DNAH10: variants seen among roughly 807,000 people sequenced by gnomAD.
DNAH10 encodes the protein dynein axonemal heavy chain 10.
A neutral mutation model predicts 506.6 loss-of-function variants in DNAH10; 348 were observed. The ratio of observed to expected loss-of-function variants is 0.69; its 90% CI spans 0.63 to 0.75. DNAH10 has a LOEUF of 0.75. Among genes scored for constraint, DNAH10 ranks in the 30% least tolerant of loss-of-function variants. The pLI, the probability that DNAH10 is intolerant of heterozygous loss-of-function variation, is 0.00. For missense variants in DNAH10, 5,179 were observed against 5,787.1 expected (o/e 0.89, Z 3.41); for synonymous variants, 2,059 against 2,198.6 (o/e 0.94, Z 1.78).
intron 51 of DNAH10, among the ~76,000 whole-genome samples, chr12:123,884,763 G>A (rs532219500): frequency 6.6e-6 from 1 of 152,014 alleles, no homozygotes; most frequent in East Asian, 1.9e-4. Context: ...CTATTGTTAT[G>A]GACTCACTCA....
At chr12:123,827,788 T>C (rs957220486) in intron 25 of DNAH10, among the ~76,000 whole-genome samples, 1 of 152,188 alleles carries the variant, frequency 6.6e-6, no homozygotes, top group African/African-American at 2.4e-5. Context: ...TCAACACCTG[T>C]TACATCTGTC....
At chr12:123,859,043 T>C in intron 37 of DNAH10, 107 bp from the exon 38 acceptor site, 1 of 1,050,116 alleles carries the variant, frequency 9.5e-7, no homozygotes, top group Non-Finnish European at 1.4e-6. Flanking sequence ...AACCATTGAC[T>C]TGTACCCTTT....
intron 53 of DNAH10, 77 bp downstream of exon 53, chr12:123,893,513 C>T (rs1953081971): frequency 7.2e-6 from 11 of 1,521,304 alleles, no homozygotes; most frequent in Non-Finnish European, 9.9e-6. Context: ...CCACACCTCT[C>T]CAGGTTCCCC....
At chr12:123,788,105 C>T (rs1256793499) in intron 10 of DNAH10, 103 bp downstream of exon 10, 7 of 1,327,466 alleles carry the variant, frequency 5.3e-6, no homozygotes, top group Non-Finnish European at 7.4e-6. Context: ...TCAGAAAGGG[C>T]CTGGCAGGGA....
At chr12:123,856,357 G>C (rs1054063412) in intron 36 of DNAH10, among the ~76,000 whole-genome samples, 1 of 145,104 alleles carries the variant, frequency 6.9e-6, no homozygotes, top group Non-Finnish European at 1.5e-5. Flanking sequence ...TCTTTTTTTC[G>C]AGACAGAGTT....
chr12:123,774,983 A>G lies in DNAH10; in HGVS notation c.621+719A>G, dbSNP rs527560523. Among the ~76,000 whole-genome samples, 3 of 152,334 alleles carry G rather than the reference A, an allele frequency of 2.0e-5. No individual in the cohort carries two copies. The South Asian group carries it at 6.2e-4, about 32-fold the overall frequency. On this transcript the variant is annotated intron_variant, in intron 5 of 78. Coordinates refer to ENST00000673944, the MANE Select transcript of DNAH10 (RefSeq NM_001372106.1). ...AAAGACATGGCACACAAGCACATCT[A>G]TGAGAAAATACCGACAAGTGGCATG...
intron 25 of DNAH10, among the ~76,000 whole-genome samples, chr12:123,829,230 T>C (rs1269080903): frequency 1.3e-5 from 2 of 152,070 alleles, no homozygotes; most frequent in Non-Finnish European, 2.9e-5. Context: ...ACAGGTTCAT[T>C]CTGAGCAAGT....
rs1774785892 is a variant in DNAH10, at chr12:123,928,791, G to A, written c.12306+204G>A. On this transcript the variant is annotated intron_variant, in intron 70 of 78. Transcript: ENST00000673944. This position sits in a 1 kb window ranked among gnomAD's most constrained non-coding sequence, Gnocchi z 4.9. ...TGGGTTGGGTGTTTGTGACTCCCAG[G>A]CCTATCTCTACCAATTCTGCATGTG... 1 of 617,304 alleles carries A rather than the reference G, an allele frequency of 1.6e-6. No individual in the cohort carries two copies. Among genetic ancestry groups the A allele is most frequent in the African/African-American group, 1.8e-5 (1 of 54,170 alleles). 38.2% of individuals were successfully genotyped at this position (617,304 alleles called of 1,614,324 possible). A position where few individuals can be genotyped will look rare whatever the true frequency, so the allele number is the denominator to read the frequency against.
At chr12:123,877,149 C>G (rs1051019289) in intron 47 of DNAH10, among the ~76,000 whole-genome samples, 17 of 152,158 alleles carry the variant, frequency 1.1e-4, no homozygotes, top group Non-Finnish European at 2.9e-5. Context: ...TCCCAGGAAC[C>G]GTGACTCTAC....
rs1474569260 is a variant in DNAH10, at chr12:123,784,018, A to C, written c.1071A>C (p.Gln357His). ...RNATLSALHE[Q>H]TKLPIVRKVL... ...CAACCTTAAGTGCGCTGCATGAACA[A>C]ACAAAGCTTCCAATAGTCAGAAAAG... Residue 357 changes from glutamine to histidine, a missense_variant, in exon 8 of 79, where the codon CAA (glutamine) becomes CAC (histidine). Gln to His is a conservative substitution (Grantham distance 24). This residue lies in a region of DNAH10 where 4,844 missense variants were observed against 5,430.5 expected (regional missense o/e 0.89). Transcript: ENST00000673944. 1.9e-6 allele frequency: 3 copies of C among 1,614,110 alleles called. No individual in the cohort carries two copies. The highest frequency in any genetic ancestry group is 2.5e-6 in the Non-Finnish European group (3 of 1,180,054).
At chr12:123,856,824 A>G (rs1951410991) in intron 36 of DNAH10, among the ~76,000 whole-genome samples, 1 of 148,516 alleles carries the variant, frequency 6.7e-6, no homozygotes. Context: ...TTCAGAAATT[A>G]TATAATTTTA....
chr12:123,830,534 A>T lies in DNAH10; in HGVS notation c.4392-12A>T, dbSNP rs751696721. The T allele has an allele frequency of 3.7e-6, 6 of 1,610,970 alleles. No homozygotes were observed. Among genetic ancestry groups the T allele is most frequent in the Non-Finnish European group, 5.1e-6 (6 of 1,178,270 alleles). ...AGTAAGCATAAAGATTTGAATGCTG[A>T]TGTGCTTTCAGGCATTGGAAAGAAC... is the stretch of plus-strand genomic sequence containing the variant. On this transcript the variant is annotated splice_polypyrimidine_tract_variant and intron_variant, in intron 25 of 78. Transcript: ENST00000673944.
chr12:123,801,895 A>G (rs1958495060), intron 16 of DNAH10, among the ~76,000 whole-genome samples: 1 of 152,238 alleles, frequency 6.6e-6, no homozygotes, highest in Non-Finnish European at 1.5e-5. Flanking sequence ...TGTCAAGTCC[A>G]CTTCCCTCCC....
At chr12:123,882,695 G>A (rs926890788) in intron 51 of DNAH10, among the ~76,000 whole-genome samples, 4 of 150,490 alleles carry the variant, frequency 2.7e-5, no homozygotes, top group African/African-American at 9.8e-5. Flanking sequence ...CGGAGGCTGA[G>A]GCAGGAGAAT....
At position 123,864,736 on chromosome 12, in the gene DNAH10, T is replaced by C. The variant is rs1951738387; in HGVS notation, c.7044+6T>C. On this transcript the variant is annotated splice_donor_region_variant and intron_variant, in intron 40 of 78. Transcript: ENST00000673944. The stretch of plus-strand genomic sequence containing the variant: ...ACTGTGCCCTGCTCTTTGAGGCAAG[T>C]AGTGATTAAAAGTAAATTTGAACAT... 5 of 1,597,784 alleles carry C rather than the reference T, an allele frequency of 3.1e-6. No homozygotes were observed. The highest frequency in any genetic ancestry group is 4.3e-6 in the Non-Finnish European group (5 of 1,174,744).
chr12:123,839,368 C>T (rs1027753434), intron 29 of DNAH10, among the ~76,000 whole-genome samples: 6 of 152,252 alleles, frequency 3.9e-5, no homozygotes, highest in African/African-American at 1.4e-4. Context: ...GTGTGATCTT[C>T]GGCAAGTTCC....
intron 67 of DNAH10, 90 bp downstream of exon 67, chr12:123,924,522 C>A: frequency 6.7e-7 from 1 of 1,495,662 alleles, no homozygotes. Context: ...TAAGAGAAGA[C>A]ACTCCTTTGA....
In DNAH10 at chr12:123,774,135, C is replaced by T. The variant is rs752375741; in HGVS notation, c.506-14C>T. On this transcript the variant is annotated splice_polypyrimidine_tract_variant and intron_variant, in intron 4 of 78. Transcript: ENST00000673944. ...CTCCCACTGACCTTACATTCTACAC[C>T]TGTTCTTCTTTAGAGGCAATCTCTG... The T allele has an allele frequency of 1.3e-5, 21 of 1,574,048 alleles. No individual in the cohort carries two copies. The East Asian group carries it at 4.5e-4, about 34-fold the overall frequency.
intron 28 of DNAH10, among the ~76,000 whole-genome samples, chr12:123,835,891 C>G (rs1339395890): frequency 1.3e-5 from 2 of 152,226 alleles, no homozygotes; most frequent in Admixed American, 6.5e-5. Context: ...TCCCAAAGCA[C>G]TGGGATTACA....
Sources: gnomAD v4.1 joint callset for allele counts (sites outside exome capture counted in the v4.1 genomes callset) on GRCh38, gnomAD v4.1.1 for gene constraint, gnomAD v4.1.1 regional missense constraint, Gnocchi (gnomAD v3.1) non-coding constraint, MANE v1.5 for transcripts, NCBI Gene and HGNC (gene_info 2026-07-23, HGNC 2026-07-21) for gene names.